IFI35: variants seen among roughly 807,000 people sequenced by gnomAD.
The protein encoded by IFI35 is interferon induced protein 35, also known as interferon-induced 35 kDa protein.
In IFI35, 30 loss-of-function variants were observed where a neutral mutation model predicts 28.6. That is an observed-to-expected ratio of 1.05 (90% confidence interval 0.79 to 1.43). The LOEUF is 1.43. Ranked by LOEUF, IFI35 falls within the 40% of genes most tolerant of loss-of-function variation. IFI35 has a pLI of 0.00. For missense variants in IFI35, 372 were observed against 356.9 expected (o/e 1.04, Z -0.34); for synonymous variants, 146 against 154.8 (o/e 0.94, Z 0.42).
At chr17:43,013,977 C>G in intron 6 of IFI35, 95 bp downstream of exon 6, 2 of 1,279,288 alleles carry the variant, frequency 1.6e-6, no homozygotes, top group Admixed American at 4.2e-5. Context: ...CCAAACCCCA[C>G]TGACCTACCT....
intron 1 of IFI35, among the ~76,000 whole-genome samples, chr17:43,011,308 C>G (rs2050455807): frequency 6.6e-6 from 1 of 152,110 alleles, no homozygotes; most frequent in Non-Finnish European, 1.5e-5. Flanking sequence ...CATCTGAGGT[C>G]AGGAGTTTGA....
chr17:43,006,802 A>G lies in IFI35; in HGVS notation c.-146A>G. 1.3e-6 allele frequency: 1 copy of G among 748,144 alleles called. No individual in the cohort carries two copies. Among genetic ancestry groups the G allele is most frequent in the Non-Finnish European group, 2.4e-6 (1 of 422,622 alleles). The allele number at this position is 748,144 out of a possible 1,614,324, so 46.3% of individuals were successfully genotyped here. A position where few individuals can be genotyped will look rare whatever the true frequency, so the allele number is the denominator to read the frequency against. On this transcript the variant is annotated 5_prime_UTR_variant, in exon 1 of 7. Coordinates refer to ENST00000415816, the MANE Select transcript of IFI35 (RefSeq NM_001330230.2). Reference sequence around the variant, plus strand: ...GTGGAAGCAAACAGCCTGCGAGCAGAGCCTCCTGAGGTGTATTTCGGGTCT... The same window carrying G: ...GTGGAAGCAAACAGCCTGCGAGCAGGGCCTCCTGAGGTGTATTTCGGGTCT...
chr17:43,012,235 G>A lies in IFI35; in HGVS notation c.78G>A (p.Leu26=), dbSNP rs755350718. 6.3e-7 allele frequency: 1 copy of A among 1,578,884 alleles called. No homozygotes were observed. Among genetic ancestry groups the A allele is most frequent in the Non-Finnish European group, 8.6e-7 (1 of 1,162,000 alleles). ...GACTCAAGATGAGGCTGTGGGACCTGCAGCAGCTGAGAAAGGAGCTCGGGG... is the reference window on the plus strand; with the variant it reads ...GACTCAAGATGAGGCTGTGGGACCTACAGCAGCTGAGAAAGGAGCTCGGGG... ...QARLKMRLWD[L]QQLRKELGDS... is the part of the protein sequence containing the mutation. The change falls in exon 2 of 7, where the codon CTG becomes CTA. Residue 26 remains leucine, a synonymous_variant. Coordinates refer to ENST00000415816, the MANE Select transcript of IFI35 (RefSeq NM_001330230.2).
chr17:43,009,248 C>T (rs2050436333), intron 1 of IFI35, among the ~76,000 whole-genome samples: 1 of 152,172 alleles, frequency 6.6e-6, no homozygotes, highest in Non-Finnish European at 1.5e-5. Flanking sequence ...ATCTGCCTCC[C>T]TTGGCCTCCC....
At position 43,013,485 on chromosome 17, in the gene IFI35, C is replaced by T. The variant is rs765440953; in HGVS notation, c.385C>T (p.Gln129Ter). 6 of 1,613,778 alleles carry T rather than the reference C, an allele frequency of 3.7e-6. No homozygotes were observed. The highest frequency in any genetic ancestry group is 5.1e-6 in the Non-Finnish European group (6 of 1,179,890). The change falls in exon 5 of 7, where the codon CAG (glutamine) becomes TAG (stop). Residue 129 changes from glutamine to a stop codon, truncating the protein, a stop_gained. Transcript: ENST00000415816. LOFTEE classifies it high-confidence loss of function. ...PMVTTIQMSS[Q>*]LSGRRVLVTG... ...TGCTGTCTCCCCCTAGATGTCCAGC[C>T]AGTTGAGTGGCCGGAGGGTGTTGGT... is the stretch of plus-strand genomic sequence containing the variant.
intron 1 of IFI35, among the ~76,000 whole-genome samples, chr17:43,008,828 A>G (rs2050433389): frequency 6.6e-6 from 1 of 150,850 alleles, no homozygotes; most frequent in Non-Finnish European, 1.5e-5. Flanking sequence ...CAGCATGGCT[A>G]ATTTTTTGTA....
chr17:43,011,697 A>G (rs1305773453), intron 1 of IFI35, among the ~76,000 whole-genome samples: 1 of 152,182 alleles, frequency 6.6e-6, no homozygotes, highest in Non-Finnish European at 1.5e-5. Context: ...ATATGACTGT[A>G]TGACATTTTG....
intron 1 of IFI35, among the ~76,000 whole-genome samples, chr17:43,010,893 G>T (rs571815060): frequency 4.6e-5 from 7 of 152,274 alleles, no homozygotes; most frequent in African/African-American, 1.7e-4. Context: ...TCTTTATCAG[G>T]ATTCCTAACC....
In IFI35 at chr17:43,006,838, G is replaced by A; in HGVS notation, c.-110G>A. The A allele has an allele frequency of 8.4e-7, 1 of 1,187,916 alleles. No homozygotes were observed. The highest frequency in any genetic ancestry group is 1.5e-5 in the African/African-American group (1 of 66,656). 73.6% of individuals were successfully genotyped at this position (1,187,916 alleles called of 1,614,324 possible). A position where few individuals can be genotyped will look rare whatever the true frequency, so the allele number is the denominator to read the frequency against. On this transcript the variant is annotated 5_prime_UTR_variant, in exon 1 of 7. Coordinates refer to ENST00000415816, the MANE Select transcript of IFI35 (RefSeq NM_001330230.2). ...GTGTATTTCGGGTCTTGCTGGGGCT[G>A]AGAGAGACCACAGCCCTTTGGGGGG...
rs773755551 is a variant in IFI35 at position 43,013,471 on chromosome 17, C to G, written c.376-5C>G. The G allele has an allele frequency of 1.9e-6, 3 of 1,613,810 alleles. No homozygotes were observed. The highest frequency in any genetic ancestry group is 1.3e-5 in the African/African-American group (1 of 75,022). On this transcript the variant is annotated splice_polypyrimidine_tract_variant and splice_region_variant and intron_variant, in intron 4 of 6. Coordinates refer to ENST00000415816, the MANE Select transcript of IFI35 (RefSeq NM_001330230.2). ...CTGGGACCACCCCTTGCTGTCTCCC[C>G]CTAGATGTCCAGCCAGTTGAGTGGC...
chr17:43,008,410 A>G (rs2050428989), intron 1 of IFI35, among the ~76,000 whole-genome samples: 1 of 133,990 alleles, frequency 7.5e-6, no homozygotes, highest in Admixed American at 8.3e-5. Context: ...GTGCAATAGC[A>G]TGATCTTGGC....
chr17:43,014,127 C>T lies in IFI35; in HGVS notation c.689C>T (p.Pro230Leu). The change falls in exon 7 of 7, where the codon CCC becomes CTC. Residue 230 changes from proline to leucine, a missense_variant. Physicochemically the swap from Pro to Leu is moderately conservative, Grantham distance 98. Transcript: ENST00000415816. ...QKAEIRSQPV[P>L]RSVLVLNIPD... ...TTCCAGATCAGGTCGCAGCCAGTTC[C>T]CCGCTCGGTACTGGTGCTCAACATT... 6.2e-7 allele frequency: 1 copy of T among 1,614,102 alleles called. No homozygotes were observed. The highest frequency in any genetic ancestry group is 1.1e-5 in the South Asian group (1 of 91,086).
intron 6 of IFI35, 104 bp from the exon 7 acceptor site, chr17:43,014,004 T>C: frequency 1.5e-6 from 2 of 1,334,258 alleles, no homozygotes; most frequent in Middle Eastern, 2.2e-4. Flanking sequence ...CATCAGCCTC[T>C]CCAGGCCTCC....
intron 6 of IFI35, 70 bp from the exon 7 acceptor site, chr17:43,014,038 C>A: frequency 6.7e-7 from 1 of 1,489,820 alleles, no homozygotes; most frequent in Non-Finnish European, 9.3e-7. Context: ...CCATGGGGCA[C>A]TGCCTGCCCT....
rs755570355 is a variant in IFI35 at position 43,013,536 on chromosome 17, C to T, written c.436C>T (p.Leu146=). Residue 146 remains leucine, a synonymous_variant, in exon 5 of 7, where the codon CTG becomes TTG. Transcript: ENST00000415816. ...LVTGFPASLR[L]SEEELLDKLE... ...CACTGGATTTCCTGCCAGCCTCAGG[C>T]TGAGTGAGGAGGAGCTGCTGGACAA... 6.2e-7 allele frequency: 1 copy of T among 1,614,108 alleles called. No homozygotes were observed. Among genetic ancestry groups the T allele is most frequent in the East Asian group, 2.2e-5 (1 of 44,876 alleles).
chr17:43,013,698 T>A, intron 5 of IFI35, 36 bp downstream of exon 5: 2 of 1,610,462 alleles, frequency 1.2e-6, no homozygotes, highest in Non-Finnish European at 1.7e-6. Context: ...GGGGAGAGGG[T>A]ATAGGGTGTG....
At chr17:43,007,495 A>T (rs2050417970) in intron 1 of IFI35, among the ~76,000 whole-genome samples, 1 of 142,530 alleles carries the variant, frequency 7.0e-6, no homozygotes, top group Non-Finnish European at 1.5e-5. Context: ...ACACAGCGAG[A>T]CTCTGTCTAA....
At chr17:43,007,075 C>T (rs1251410035) in intron 1 of IFI35, 107 bp downstream of exon 1, 2 of 1,199,664 alleles carry the variant, frequency 1.7e-6, no homozygotes, top group Non-Finnish European at 2.5e-6. Context: ...CCCTGCCCAT[C>T]TCAGACCTGC....
At chr17:43,009,367 C>A (rs2050437131) in intron 1 of IFI35, among the ~76,000 whole-genome samples, 1 of 152,048 alleles carries the variant, frequency 6.6e-6, no homozygotes, top group African/African-American at 2.4e-5. Flanking sequence ...GCCTGTAATC[C>A]CAGCACTTTG....
Sources: allele counts gnomAD v4.1 joint callset (sites outside exome capture counted in the v4.1 genomes callset), GRCh38; gene constraint gnomAD v4.1.1; transcripts MANE v1.5; gene names NCBI Gene and HGNC (gene_info 2026-07-23, HGNC 2026-07-21).